VPS13B: variants seen among roughly 807,000 people sequenced by gnomAD.
The protein encoded by VPS13B is vacuolar protein sorting 13 homolog B, also known as intermembrane lipid transfer protein VPS13B.
Under a neutral mutation model 426.4 loss-of-function variants are expected in VPS13B, and 285 were observed. The ratio of observed to expected loss-of-function variants is 0.67; its 90% CI spans 0.61 to 0.74. The LOEUF is 0.74. Among genes scored for constraint, VPS13B ranks in the 30% least tolerant of loss-of-function variants. The pLI is 0.00. For synonymous variants in VPS13B, 1,676 were observed against 1,676.4 expected, an observed-to-expected ratio of 1.00 and a Z score of 0.01; for missense variants, 4,537 against 4,782.6, an observed-to-expected ratio of 0.95 and a Z score of 1.51.
chr8:99,221,401 C>A (rs979644623), intron 17 of VPS13B, among the ~76,000 whole-genome samples: 1 of 152,010 alleles, frequency 6.6e-6, no homozygotes, highest in Non-Finnish European at 1.5e-5. Context: ...GTACTGTTGA[C>A]ATTAGAAAAG....
chr8:99,871,849 G>C (rs1478015358), intron 61 of VPS13B, 152 bp downstream of exon 61: 2 of 1,405,952 alleles, frequency 1.4e-6, no homozygotes, highest in East Asian at 4.6e-5. Flanking sequence ...GAAGTGTAGA[G>C]GCCGGAGGGC....
At chr8:99,115,609 T>C in intron 6 of VPS13B, 91 bp from the exon 7 acceptor site, 1 of 1,226,184 alleles carries the variant, frequency 8.2e-7, no homozygotes, top group Non-Finnish European at 1.2e-6. Context: ...TTTTATGTTA[T>C]GCCATTTAAA....
At chr8:99,274,992 T>C in intron 18 of VPS13B, 89 bp from the exon 19 acceptor site, 1 of 1,110,326 alleles carries the variant, frequency 9.0e-7, no homozygotes, top group Non-Finnish European at 1.2e-6. Context: ...TGAAATGTTA[T>C]ATTATGGTGT....
chr8:99,019,204 A>ATTT (rs34569117), intron 2 of VPS13B, among the ~76,000 whole-genome samples: 1 of 128,858 alleles, frequency 7.8e-6, no homozygotes, highest in African/African-American at 2.9e-5. Context: ...CATCTTAAAC[A>ATTT]TTTTTTTTTT....
intron 28 of VPS13B, among the ~76,000 whole-genome samples, chr8:99,509,708 A>T (rs1821685044): frequency 6.6e-6 from 1 of 152,104 alleles, no homozygotes. Flanking sequence ...CTCCTCTTAA[A>T]AATCTCCTCT....
intron 43 of VPS13B, 92 bp downstream of exon 43, chr8:99,784,568 T>C: frequency 1.3e-6 from 2 of 1,552,700 alleles, no homozygotes; most frequent in Non-Finnish European, 1.8e-6. Context: ...TTTCCCTTTT[T>C]AAGTCTCCGA....
At chr8:99,471,039 TA>T (rs1274670511) in intron 24 of VPS13B, among the ~76,000 whole-genome samples, 3 of 152,048 alleles carry the variant, frequency 2.0e-5, no homozygotes, top group African/African-American at 7.2e-5. Context: ...AAAGAACTGT[TA>T]ACCTAGTGAA....
intron 19 of VPS13B, among the ~76,000 whole-genome samples, chr8:99,357,713 C>A (rs1812252670): frequency 6.6e-6 from 1 of 152,180 alleles, no homozygotes; most frequent in Non-Finnish European, 1.5e-5. Flanking sequence ...TTAGTAAAGT[C>A]ATTCAGCCTC....
chr8:99,688,357 G>A (rs1831508463), intron 35 of VPS13B, among the ~76,000 whole-genome samples: 1 of 151,966 alleles, frequency 6.6e-6, no homozygotes. Flanking sequence ...CAAAAACATG[G>A]TGGAGGAAAA....
chr8:99,438,190 G>C (rs1293312042), intron 22 of VPS13B, among the ~76,000 whole-genome samples: 1 of 151,866 alleles, frequency 6.6e-6, no homozygotes, highest in African/African-American at 2.4e-5. Flanking sequence ...CCCACATTCT[G>C]TGTTATTTTG....
intron 19 of VPS13B, chr8:99,340,937 G>C (rs966724384): frequency 1.1e-5 from 3 of 283,804 alleles, no homozygotes; most frequent in African/African-American, 6.9e-5. Flanking sequence ...AAGGTGGGCT[G>C]GGAGAGAGCT....
At chr8:99,014,708 A>AT (rs1233493718) in intron 2 of VPS13B, among the ~76,000 whole-genome samples, 1 of 151,832 alleles carries the variant, frequency 6.6e-6, no homozygotes, top group Non-Finnish European at 1.5e-5. Context: ...AAAAAAAAAA[A>AT]AAGAGCAGAT....
rs2130816987 is a variant in VPS13B, at chr8:99,819,783, G to A, written c.8793-138G>A. On this transcript the variant is annotated intron_variant, in intron 48 of 61. Transcript: ENST00000357162. Reference sequence around the variant, plus strand: ...CATGAAAAGTTGCTTTCTCCTGCATGCAAATTTAGCATTGAAAGATTCTGG... The same window carrying A: ...CATGAAAAGTTGCTTTCTCCTGCATACAAATTTAGCATTGAAAGATTCTGG... The A allele has an allele frequency of 3.9e-6, 5 of 1,282,662 alleles. No homozygotes were observed. In the South Asian group the frequency reaches 6.6e-5, roughly 17 times the overall value. 79.5% of individuals were successfully genotyped at this position (1,282,662 alleles called of 1,614,324 possible).
chr8:99,322,700 C>G (rs1028119803), intron 19 of VPS13B, among the ~76,000 whole-genome samples: 2 of 152,108 alleles, frequency 1.3e-5, no homozygotes, highest in Non-Finnish European at 2.9e-5. Context: ...TTAGCTATTG[C>G]AAGAACCTTA....
At chr8:99,168,764 A>G (rs1200531021) in intron 15 of VPS13B, among the ~76,000 whole-genome samples, 3 of 151,984 alleles carry the variant, frequency 2.0e-5, no homozygotes, top group South Asian at 2.1e-4. Context: ...CTTCTTATCT[A>G]TTGGTTAATA....
chr8:99,338,537 C>T (rs900360039), intron 19 of VPS13B, among the ~76,000 whole-genome samples: 6 of 151,982 alleles, frequency 3.9e-5, no homozygotes, highest in African/African-American at 1.2e-4. Context: ...ACAGTTTTGA[C>T]GGTATGTGAT....
intron 3 of VPS13B, among the ~76,000 whole-genome samples, chr8:99,041,127 T>C (rs1842945661): frequency 6.6e-6 from 1 of 152,166 alleles, no homozygotes; most frequent in East Asian, 1.9e-4. Flanking sequence ...GATGACAGGG[T>C]GACCGAATTG....
chr8:99,765,622 G>C (rs1811179428), intron 39 of VPS13B, among the ~76,000 whole-genome samples: 1 of 152,226 alleles, frequency 6.6e-6, no homozygotes, highest in Non-Finnish European at 1.5e-5. Context: ...CCACAAGCGT[G>C]ATGCAGAAGT....
chr8:99,198,233 T>A (rs1190840964), intron 17 of VPS13B, among the ~76,000 whole-genome samples: 4 of 152,148 alleles, frequency 2.6e-5, no homozygotes, highest in Non-Finnish European at 5.9e-5. Flanking sequence ...GCATTAGCAC[T>A]TATCACTGTG....
Sources: gnomAD v4.1 joint callset for allele counts (sites outside exome capture counted in the v4.1 genomes callset) on GRCh38, gnomAD v4.1.1 for gene constraint, MANE v1.5 for transcripts, NCBI Gene and HGNC (gene_info 2026-07-23, HGNC 2026-07-21) for gene names.